The following GNG12 variants were observed in gnomAD, a reference collection of about 807,000 sequenced individuals.
The protein encoded by GNG12 is guanine nucleotide-binding protein G(I)/G(S)/G(O) subunit gamma-12.
For missense variants in GNG12, 69 were observed against 83.8 expected, an observed-to-expected ratio of 0.82 and a Z score of 0.69; for synonymous variants, 28 against 29.7, an observed-to-expected ratio of 0.94 and a Z score of 0.19.
intron 1 of GNG12, among the ~76,000 whole-genome samples, chr1:67,823,400 A>G (rs1278648065): frequency 6.6e-6 from 1 of 151,974 alleles, no homozygotes; most frequent in Non-Finnish European, 1.5e-5. Flanking sequence ...CCTACTTTCC[A>G]CTTCTCTTGA....
chr1:67,739,762 T>C (rs1422676735), intron 2 of GNG12, among the ~76,000 whole-genome samples: 3 of 152,206 alleles, frequency 2.0e-5, no homozygotes, highest in Non-Finnish European at 4.4e-5. Flanking sequence ...AAACCAGACA[T>C]AGTGAGTTCA....
At chr1:67,726,934 A>C (rs1218842347) in intron 2 of GNG12, among the ~76,000 whole-genome samples, 2 of 152,110 alleles carry the variant, frequency 1.3e-5, no homozygotes, top group Non-Finnish European at 2.9e-5. Context: ...TCCTCTTCTG[A>C]TGTCTGTTCT....
chr1:67,752,461 C>T (rs547963352), intron 2 of GNG12, among the ~76,000 whole-genome samples: 2 of 152,294 alleles, frequency 1.3e-5, no homozygotes, highest in African/African-American at 4.8e-5. Flanking sequence ...GCAGTCAGAT[C>T]CCAGTACCTT....
chr1:67,780,963 C>T (rs1646734221), intron 1 of GNG12, among the ~76,000 whole-genome samples: 1 of 152,220 alleles, frequency 6.6e-6, no homozygotes, highest in African/African-American at 2.4e-5. Context: ...GATATTTCTA[C>T]CCTGGAGTTC....
chr1:67,718,455 C>G (rs941518006), intron 2 of GNG12, among the ~76,000 whole-genome samples: 1 of 151,940 alleles, frequency 6.6e-6, no homozygotes, highest in African/African-American at 2.4e-5. Context: ...TTGTACTAAA[C>G]CTATGAGACC....
chr1:67,789,554 A>G (rs1391661077), intron 1 of GNG12, among the ~76,000 whole-genome samples: 1 of 152,192 alleles, frequency 6.6e-6, no homozygotes, highest in Non-Finnish European at 1.5e-5. Flanking sequence ...TGTTGACAAT[A>G]AACATTTTGC....
chr1:67,774,927 T>A (rs1253386506), intron 2 of GNG12, among the ~76,000 whole-genome samples: 1 of 152,232 alleles, frequency 6.6e-6, no homozygotes, highest in Admixed American at 6.5e-5. Context: ...GGAGATTTTT[T>A]CTTGTAAATC....
At chr1:67,814,033 T>C (rs1557625748) in intron 1 of GNG12, among the ~76,000 whole-genome samples, 1 of 152,318 alleles carries the variant, frequency 6.6e-6, no homozygotes, top group Admixed American at 6.5e-5. Context: ...GTAGCAAGTG[T>C]CAGAGCTGGG....
chr1:67,804,105 G>A (rs1418129245), intron 1 of GNG12, among the ~76,000 whole-genome samples: 1 of 152,200 alleles, frequency 6.6e-6, no homozygotes, highest in Non-Finnish European at 1.5e-5. Flanking sequence ...CAGGGCCTCA[G>A]TAGAGAGCAG....
At chr1:67,730,704 A>G (rs72922765) in intron 2 of GNG12, among the ~76,000 whole-genome samples, 6,618 of 152,258 alleles carry the variant, frequency 0.043, 428 homozygotes, top group African/African-American at 0.14. Flanking sequence ...TGGTTAAATC[A>G]TTATGATTTG....
intron 2 of GNG12, among the ~76,000 whole-genome samples, chr1:67,765,793 C>T (rs1646632617): frequency 6.6e-6 from 1 of 152,136 alleles, no homozygotes; most frequent in Admixed American, 6.5e-5. Context: ...ATGTGGGTGA[C>T]ATAGCTAAAG....
At chr1:67,759,870 T>C (rs187811641) in intron 2 of GNG12, among the ~76,000 whole-genome samples, 2 of 152,316 alleles carry the variant, frequency 1.3e-5, no homozygotes, top group Admixed American at 1.3e-4. Context: ...AGCTCCACAG[T>C]GACATTCCAA....
intron 2 of GNG12, among the ~76,000 whole-genome samples, chr1:67,734,435 A>G (rs557886175): frequency 6.6e-6 from 1 of 152,346 alleles, no homozygotes; most frequent in African/African-American, 2.4e-5. Flanking sequence ...ACGGTGTTCC[A>G]GGTCCTTTAG....
intron 2 of GNG12, among the ~76,000 whole-genome samples, chr1:67,733,691 T>C (rs1646434395): frequency 6.6e-6 from 1 of 152,250 alleles, no homozygotes; most frequent in South Asian, 2.1e-4. Context: ...TGCAATTTCT[T>C]TCCTTCTCCC....
chr1:67,813,622 A>G (rs1423044399), intron 1 of GNG12, among the ~76,000 whole-genome samples: 1 of 152,200 alleles, frequency 6.6e-6, no homozygotes, highest in Non-Finnish European at 1.5e-5. Flanking sequence ...TTAAGTTTTT[A>G]AAAATTAAAT....
At chr1:67,799,281 TCC>T (rs1646851005) in intron 1 of GNG12, among the ~76,000 whole-genome samples, 1 of 152,158 alleles carries the variant, frequency 6.6e-6, no homozygotes, top group Non-Finnish European at 1.5e-5. Context: ...TGAGTCTGCT[TCC>T]CTTAGCAGAA....
Position 67,765,919 on chromosome 1 carries a change from T to A in GNG12, c.-27+11539A>T, listed in dbSNP as rs138582451. Among the ~76,000 whole-genome samples the A allele has an allele frequency of 7.2e-3, 1,092 of 152,268 alleles. 12 individuals are homozygous for A. The highest frequency in any genetic ancestry group is 0.025 in the African/African-American group (1,029 of 41,544). ...GTGAAAGGAAACTCAAGACTAACAATGATTTGTTGTAACTAGACGTAGTGG... is the reference window on the plus strand; with the variant it reads ...GTGAAAGGAAACTCAAGACTAACAAAGATTTGTTGTAACTAGACGTAGTGG... On this transcript the variant is annotated intron_variant, in intron 2 of 3. Transcript: ENST00000370982.
chr1:67,769,393 A>T (rs1646659607), intron 2 of GNG12, among the ~76,000 whole-genome samples: 1 of 152,162 alleles, frequency 6.6e-6, no homozygotes, highest in Non-Finnish European at 1.5e-5. Context: ...CAAATGTCAC[A>T]TGAGCATGAA....
At chr1:67,787,548 A>G (rs1031444910) in intron 1 of GNG12, among the ~76,000 whole-genome samples, 3 of 152,208 alleles carry the variant, frequency 2.0e-5, no homozygotes, top group African/African-American at 7.2e-5. Flanking sequence ...AATCTCTAGC[A>G]TCTTCACATC....
Sources: gnomAD v4.1 joint callset for allele counts (sites outside exome capture counted in the v4.1 genomes callset) on GRCh38, gnomAD v4.1.1 for gene constraint, MANE v1.5 for transcripts, NCBI Gene and HGNC (gene_info 2026-07-23, HGNC 2026-07-21) for gene names.